Variants in DPP9 observed in about 807,000 individuals in gnomAD.
DPP9 encodes dipeptidyl peptidase 9.
A neutral mutation model predicts 110.7 loss-of-function variants in DPP9; 50 were observed. The ratio of observed to expected loss-of-function variants is 0.45; its 90% CI spans 0.36 to 0.57. DPP9 has a LOEUF of 0.57. Ranked by LOEUF, DPP9 falls within the 20% of genes least tolerant of loss-of-function variation. DPP9 has a pLI of 0.00. For missense variants in DPP9, 1,022 were observed against 1,217.9 expected (o/e 0.84, Z 2.39); for synonymous variants, 561 against 514.4 (o/e 1.09, Z -1.23).
intron 4 of DPP9, among the ~76,000 whole-genome samples, chr19:4,711,665 C>T (rs1194680286): frequency 1.4e-5 from 2 of 147,760 alleles, no homozygotes; most frequent in African/African-American, 2.5e-5. Flanking sequence ...CCCAGCTACT[C>T]GGGAGGCTGA....
chr19:4,692,961 A>G (rs995713311), intron 13 of DPP9, among the ~76,000 whole-genome samples: 1 of 152,136 alleles, frequency 6.6e-6, no homozygotes, highest in Non-Finnish European at 1.5e-5. Context: ...GTGGCAGCCT[A>G]CAGCATCACC....
chr19:4,721,760 A>T (rs1165100664), intron 2 of DPP9, among the ~76,000 whole-genome samples: 1 of 152,238 alleles, frequency 6.6e-6, no homozygotes, highest in African/African-American at 2.4e-5. Context: ...CAGGGGTGAC[A>T]GAGCGAGGTT....
At chr19:4,706,119 G>C in intron 4 of DPP9, 149 bp from the exon 5 acceptor site, 1 of 631,126 alleles carries the variant, frequency 1.6e-6, no homozygotes, top group South Asian at 2.0e-5. Flanking sequence ...GAAAGCTATG[G>C]ATCCTGGGTT....
intron 3 of DPP9, chr19:4,717,868 C>T (rs924425459): frequency 1.3e-5 from 2 of 152,240 alleles, no homozygotes; most frequent in Non-Finnish European, 1.5e-5. Flanking sequence ...GATGGGCTTT[C>T]TCCACCTAGC....
chr19:4,721,252 G>A (rs2093309952), intron 2 of DPP9, among the ~76,000 whole-genome samples: 1 of 152,214 alleles, frequency 6.6e-6, no homozygotes. Flanking sequence ...GGGTAAGGGG[G>A]CACTCCTCAC....
chr19:4,696,226 T>C (rs984143293), intron 11 of DPP9, among the ~76,000 whole-genome samples: 2 of 152,080 alleles, frequency 1.3e-5, no homozygotes, highest in African/African-American at 4.8e-5. Flanking sequence ...TAAACTTGAA[T>C]TTATTTTAAG....
At chr19:4,709,081 C>A (rs1414063134) in intron 4 of DPP9, among the ~76,000 whole-genome samples, 1 of 152,166 alleles carries the variant, frequency 6.6e-6, no homozygotes, top group African/African-American at 2.4e-5. Context: ...CCACACCCGG[C>A]TAATTTTTTG....
At position 4,718,546 on chromosome 19, in the gene DPP9, C is replaced by T. The variant is rs770719706; in HGVS notation, c.56+1305G>A. ...CTGCAAGTGGGGGCTGCCGGGGAAA[C>T]AGCATGCCACCCTCTGTCCTACCCA... On this transcript the variant is annotated intron_variant, in intron 3 of 21. Transcript: ENST00000262960. This position sits in a 1 kb window ranked among gnomAD's most constrained non-coding sequence, Gnocchi z 4.3. 2.2e-4 allele frequency among the ~76,000 whole-genome samples: 34 copies of T among 152,244 alleles called. No individual in the cohort carries two copies. The highest frequency in any genetic ancestry group is 4.4e-4 in the Non-Finnish European group (30 of 68,034).
chr19:4,701,801 C>T (rs1244933180), intron 9 of DPP9, among the ~76,000 whole-genome samples: 2 of 152,236 alleles, frequency 1.3e-5, no homozygotes, highest in African/African-American at 4.8e-5. Context: ...GCCCTCATCC[C>T]TTCCAGAGAC....
At chr19:4,681,475 C>T (rs917643764) in intron 20 of DPP9, among the ~76,000 whole-genome samples, 9 of 151,928 alleles carry the variant, frequency 5.9e-5, no homozygotes. Flanking sequence ...TGTCACCACA[C>T]CTGGCTAATT....
chr19:4,683,915 A>T, intron 18 of DPP9: 1 of 1,128,446 alleles, frequency 8.9e-7, no homozygotes, highest in Non-Finnish European at 1.2e-6. Flanking sequence ...CATTAACAGG[A>T]AGAGGACCCA....
At position 4,695,560 on chromosome 19, in the gene DPP9, G is replaced by C. The variant is rs372739858; in HGVS notation, c.1176-5C>G. 5 of 1,467,158 alleles carry C rather than the reference G, an allele frequency of 3.4e-6. No homozygotes were observed. Among genetic ancestry groups the C allele is most frequent in the Non-Finnish European group, 4.5e-6 (5 of 1,111,284 alleles). The allele number at this position is 1,467,158 out of a possible 1,614,324, so 90.9% of individuals were successfully genotyped here. Reference sequence around the variant, plus strand: ...TCCAGGAACATGGCCCAGGCGCTAAGGGGGAAGATGCGGGGGAAGATGAGA... The same window carrying C: ...TCCAGGAACATGGCCCAGGCGCTAACGGGGAAGATGCGGGGGAAGATGAGA... On this transcript the variant is annotated splice_region_variant and splice_polypyrimidine_tract_variant and intron_variant, in intron 11 of 21. Transcript: ENST00000262960. This position sits in a 1 kb window ranked among gnomAD's most constrained non-coding sequence, Gnocchi z 4.7.
In DPP9 at chr19:4,718,264, G is replaced by A. The variant is rs1216078769; in HGVS notation, c.56+1587C>T. On this transcript the variant is annotated intron_variant, in intron 3 of 21. Coordinates refer to ENST00000262960, the MANE Select transcript of DPP9 (RefSeq NM_139159.5). The surrounding 1 kb of genome is among the most constrained non-coding windows in gnomAD (Gnocchi z 4.3). Reference sequence around the variant, plus strand: ...CTGTGTCTGAGCTGGTGCTTTGGTGGCGAGCGGGGGCGGGGGAGTAGTTGG... The same window carrying A: ...CTGTGTCTGAGCTGGTGCTTTGGTGACGAGCGGGGGCGGGGGAGTAGTTGG... 6.6e-6 allele frequency among the ~76,000 whole-genome samples: 1 copy of A among 152,166 alleles called. No homozygotes were observed. The highest frequency in any genetic ancestry group is 1.5e-5 in the Non-Finnish European group (1 of 68,038).
chr19:4,720,634 A>C (rs2093279260), intron 2 of DPP9, among the ~76,000 whole-genome samples: 1 of 152,064 alleles, frequency 6.6e-6, no homozygotes, highest in African/African-American at 2.4e-5. Flanking sequence ...CCCTCAGGGG[A>C]CACTGGACAA....
At chr19:4,703,287 A>C (rs1229946174) in intron 7 of DPP9, among the ~76,000 whole-genome samples, 1 of 152,054 alleles carries the variant, frequency 6.6e-6, no homozygotes, top group Non-Finnish European at 1.5e-5. Context: ...GGGCACCTGG[A>C]AGAGGGTCCA....
intron 11 of DPP9, among the ~76,000 whole-genome samples, chr19:4,697,085 C>T (rs1205862584): frequency 6.6e-6 from 1 of 150,944 alleles, no homozygotes; most frequent in African/African-American, 2.4e-5. Context: ...GGCGACAGAG[C>T]GAGACTCCAT....
At chr19:4,707,689 G>C (rs1189291301) in intron 4 of DPP9, among the ~76,000 whole-genome samples, 1 of 137,260 alleles carries the variant, frequency 7.3e-6, no homozygotes, top group Non-Finnish European at 1.5e-5. Context: ...GCAGTGGCAC[G>C]ATGTTGGCTC....
In DPP9 at chr19:4,684,045, C is replaced by T. The variant is rs1401618965; in HGVS notation, c.2179-416G>A. 3.8e-5 allele frequency: 14 copies of T among 369,376 alleles called. No homozygotes were observed. Among genetic ancestry groups the T allele is most frequent in the South Asian group, 1.1e-4 (5 of 47,258 alleles). The allele number at this position is 369,376 out of a possible 1,614,324, so 22.9% of individuals were successfully genotyped here. ...CACATCCCCACCACCGCCACTGCCACGATTTCAATGCTGGTGTCCCCTCTG... is the reference window on the plus strand; with the variant it reads ...CACATCCCCACCACCGCCACTGCCATGATTTCAATGCTGGTGTCCCCTCTG... On this transcript the variant is annotated intron_variant, in intron 18 of 21. Transcript: ENST00000262960. The surrounding 1 kb of genome is among the most constrained non-coding windows in gnomAD (Gnocchi z 4.8).
chr19:4,719,746 G>A (rs1196108438), intron 3 of DPP9, 105 bp downstream of exon 3: 16 of 1,334,724 alleles, frequency 1.2e-5, no homozygotes, highest in Non-Finnish European at 1.4e-5. Context: ...TGCTGGGGAA[G>A]CCAGGGGAGA....
Sources: allele counts gnomAD v4.1 joint callset (sites outside exome capture counted in the v4.1 genomes callset), GRCh38; gene constraint gnomAD v4.1.1; non-coding constraint Gnocchi (gnomAD v3.1); transcripts MANE v1.5; gene names NCBI Gene and HGNC (gene_info 2026-07-23, HGNC 2026-07-21).